MICOS10: variants seen among roughly 807,000 people sequenced by gnomAD.
The protein encoded by MICOS10 is MICOS complex subunit MIC10.
A neutral mutation model predicts 13.4 loss-of-function variants in MICOS10; 5 were observed. The ratio of observed to expected loss-of-function variants is 0.37; its 90% CI spans 0.20 to 0.78. MICOS10 has a LOEUF of 0.78. Among genes scored for constraint, MICOS10 ranks in the 30% least tolerant of loss-of-function variants. The pLI, the probability that MICOS10 is intolerant of heterozygous loss-of-function variation, is 0.47. For missense variants in MICOS10, 101 were observed against 94.6 expected (o/e 1.07, Z -0.28); for synonymous variants, 35 against 33.6 (o/e 1.04, Z -0.15).
rs967460077 is a variant in MICOS10 at position 19,629,786 on chromosome 1, C to T, written c.*3385C>T. 6.6e-6 allele frequency: 1 copy of T among 152,168 alleles called. No individual in the cohort carries two copies. Among genetic ancestry groups the T allele is most frequent in the Non-Finnish European group, 1.5e-5 (1 of 68,036 alleles). 9.4% of individuals were successfully genotyped at this position (152,168 alleles called of 1,614,324 possible). ...GTATTGTCGAAGGACTATTTTTGAACCTGTCCAAATAAACTCTGCAAAGTA... is the reference window on the plus strand; with the variant it reads ...GTATTGTCGAAGGACTATTTTTGAATCTGTCCAAATAAACTCTGCAAAGTA... On this transcript the variant is annotated 3_prime_UTR_variant, in exon 4 of 4. Transcript: ENST00000322753.
rs971039344 is a variant in MICOS10 at position 19,602,141 on chromosome 1, C to A, written c.64+5032C>A. Among the ~76,000 whole-genome samples, 4 of 152,248 alleles carry A rather than the reference C, an allele frequency of 2.6e-5. No individual in the cohort carries two copies. The East Asian group carries it at 7.7e-4, about 29-fold the overall frequency. ...CCCTGGAATGTAAACTTCATAAGAA[C>A]CAGAGGCTGTTGTGTTCACTGTTGA... On this transcript the variant is annotated intron_variant, in intron 1 of 3. Coordinates refer to ENST00000322753, the MANE Select transcript of MICOS10 (RefSeq NM_001032363.4).
intron 3 of MICOS10, among the ~76,000 whole-genome samples, chr1:19,624,850 T>G (rs2094916701): frequency 6.6e-6 from 1 of 152,232 alleles, no homozygotes; most frequent in Non-Finnish European, 1.5e-5. Flanking sequence ...TAAATTATTC[T>G]ATTAGAGGTA....
rs1390635783 is a variant in MICOS10 at position 19,607,968 on chromosome 1, T to G, written c.64+10859T>G. On this transcript the variant is annotated intron_variant, in intron 1 of 3. Coordinates refer to ENST00000322753, the MANE Select transcript of MICOS10 (RefSeq NM_001032363.4). Reference sequence around the variant, plus strand: ...ATTTAATGGAGAAAGGAAAATCTTTTCAACAAACCATGCTAAAACGACTAG... The same window carrying G: ...ATTTAATGGAGAAAGGAAAATCTTTGCAACAAACCATGCTAAAACGACTAG... 6.6e-6 allele frequency: 4 copies of G among 603,336 alleles called. No individual in the cohort carries two copies. In the Admixed American group the frequency reaches 1.2e-4, roughly 18 times the overall value. 37.4% of individuals were successfully genotyped at this position (603,336 alleles called of 1,614,324 possible).
chr1:19,601,316 T>C, intron 1 of MICOS10: 1 of 276,778 alleles, frequency 3.6e-6, no homozygotes, highest in East Asian at 8.5e-5. Context: ...CAGTGGCTCA[T>C]GCCTATAATC....
intron 1 of MICOS10, among the ~76,000 whole-genome samples, chr1:19,607,216 T>A (rs1347802689): frequency 6.6e-6 from 1 of 152,256 alleles, no homozygotes; most frequent in Non-Finnish European, 1.5e-5. Flanking sequence ...AAAATACTTT[T>A]TCCATTTGCG....
intron 1 of MICOS10, among the ~76,000 whole-genome samples, chr1:19,619,164 T>C (rs2094894962): frequency 6.6e-6 from 1 of 152,234 alleles, no homozygotes; most frequent in South Asian, 2.1e-4. Context: ...CTTCCTTCAT[T>C]GAAAGTCCAT....
At chr1:19,599,058 T>C (rs1570460066) in intron 1 of MICOS10, among the ~76,000 whole-genome samples, 2 of 152,016 alleles carry the variant, frequency 1.3e-5, no homozygotes, top group East Asian at 3.9e-4. Context: ...CTCATAGTAG[T>C]TGTTTTTTAT....
chr1:19,616,190 A>C (rs959500155), intron 1 of MICOS10, among the ~76,000 whole-genome samples: 3 of 152,214 alleles, frequency 2.0e-5, no homozygotes, highest in African/African-American at 7.2e-5. Flanking sequence ...TGCTGGGATT[A>C]TAGGTGTGAG....
In MICOS10 at chr1:19,623,464, T is replaced by G. The variant is rs1368774241; in HGVS notation, c.113-10T>G. On this transcript the variant is annotated splice_polypyrimidine_tract_variant and intron_variant, in intron 2 of 3. Coordinates refer to ENST00000322753, the MANE Select transcript of MICOS10 (RefSeq NM_001032363.4). Reference sequence around the variant, plus strand: ...TTCCCTATTGGGATTTTCCCTTTTTTGCTCACTAGGAAGAATGTGGCCATT... The same window carrying G: ...TTCCCTATTGGGATTTTCCCTTTTTGGCTCACTAGGAAGAATGTGGCCATT... The G allele has an allele frequency of 4.4e-6, 7 of 1,579,934 alleles. No individual in the cohort carries two copies. The African/African-American group carries it at 6.8e-5, about 15-fold the overall frequency.
chr1:19,615,999 A>G (rs534213426), intron 1 of MICOS10, among the ~76,000 whole-genome samples: 6 of 151,618 alleles, frequency 4.0e-5, no homozygotes, highest in Non-Finnish European at 7.4e-5. Flanking sequence ...GTTTACTGCA[A>G]TCTTCGCCTC....
intron 3 of MICOS10, 87 bp from the exon 4 acceptor site, chr1:19,626,300 C>A: frequency 6.5e-7 from 1 of 1,549,238 alleles, no homozygotes; most frequent in Non-Finnish European, 8.9e-7. Flanking sequence ...GGCTTCTGGC[C>A]CTTTGGGTCT....
chr1:19,627,132 A>G lies in MICOS10; in HGVS notation c.*731A>G, dbSNP rs892290160. The G allele has an allele frequency of 6.6e-6, 1 of 152,192 alleles. No individual in the cohort carries two copies. The allele number at this position is 152,192 out of a possible 1,614,324, so 9.4% of individuals were successfully genotyped here. A position where few individuals can be genotyped will look rare whatever the true frequency, so the allele number is the denominator to read the frequency against. On this transcript the variant is annotated 3_prime_UTR_variant, in exon 4 of 4. Transcript: ENST00000322753. ...GAGGAGCCCGATTGGGGTTAATTTT[A>G]TCTTCACGTAGCAGCTGAAGTTTGA...
intron 1 of MICOS10, chr1:19,608,108 G>C: frequency 2.0e-6 from 2 of 1,000,792 alleles, no homozygotes; most frequent in African/African-American, 1.6e-5. Flanking sequence ...GAGACGACGT[G>C]CAGAAATGGC....
At position 19,596,997 on chromosome 1, in the gene MICOS10, G is replaced by C. The variant is rs746410426; in HGVS notation, c.-49G>C. On this transcript the variant is annotated 5_prime_UTR_variant, in exon 1 of 4. Transcript: ENST00000322753. ...AGCTCTCGCGAGACTTTCAGGGGTC[G>C]GAGCGCGGGGGCCGGCCGAGAGGAA... 1 of 1,550,598 alleles carries C rather than the reference G, an allele frequency of 6.4e-7. No individual in the cohort carries two copies. The highest frequency in any genetic ancestry group is 1.2e-5 in the South Asian group (1 of 84,926).
chr1:19,616,653 CGTT>C (rs2094885524), intron 1 of MICOS10, among the ~76,000 whole-genome samples: 3 of 152,242 alleles, frequency 2.0e-5, no homozygotes, highest in Admixed American at 2.0e-4. Flanking sequence ...CAGAAAAACA[CGTT>C]GTTGTATGTA....
chr1:19,608,372 G>A (rs919097603), intron 1 of MICOS10: 1 of 1,260,808 alleles, frequency 7.9e-7, no homozygotes, highest in South Asian at 1.2e-5. Context: ...GAGGTGCAAG[G>A]AGCTGGGTAT....
intron 1 of MICOS10, chr1:19,608,276 C>A: frequency 1.5e-6 from 2 of 1,352,822 alleles, no homozygotes; most frequent in Non-Finnish European, 2.1e-6. Flanking sequence ...AACCATCTGC[C>A]GTGTGACTGG....
intron 1 of MICOS10, chr1:19,608,096 TG>T: frequency 2.2e-6 from 2 of 913,818 alleles, no homozygotes; most frequent in Non-Finnish European, 3.7e-6. Flanking sequence ...GTGTGGAGTC[TG>T]GAGACGACGT....
intron 1 of MICOS10, among the ~76,000 whole-genome samples, chr1:19,612,188 G>A (rs2094865619): frequency 6.7e-6 from 1 of 149,172 alleles, no homozygotes. Flanking sequence ...GACTACAGGC[G>A]CCCACCACCA....
Sources: gnomAD v4.1 joint callset for allele counts (sites outside exome capture counted in the v4.1 genomes callset) on GRCh38, gnomAD v4.1.1 for gene constraint, MANE v1.5 for transcripts, NCBI Gene and HGNC (gene_info 2026-07-23, HGNC 2026-07-21) for gene names.